The following TNFSF4 variants were observed in gnomAD, a reference collection of about 807,000 sequenced individuals.
The protein encoded by TNFSF4 is TNF superfamily member 4, also known as tumor necrosis factor ligand superfamily member 4.
Under a neutral mutation model 7.3 loss-of-function variants are expected in TNFSF4, and 4 were observed. That is an observed-to-expected ratio of 0.55 (90% CI 0.27 to 1.25). The LOEUF is 1.25. Ranked by LOEUF, TNFSF4 falls within the 50% of genes most tolerant of loss-of-function variation. TNFSF4 has a pLI of 0.12. For missense variants in TNFSF4, 181 were observed against 208.8 expected, an observed-to-expected ratio of 0.87 and a Z score of 0.82; for synonymous variants, 76 against 83.7, an observed-to-expected ratio of 0.91 and a Z score of 0.50.
the TNFSF4 span, among the ~76,000 whole-genome samples, chr1:173,242,634 A>G: frequency 5.9e-5 from 9 of 152,164 alleles, no homozygotes; most frequent in Admixed American, 5.2e-4. Context: ...ACCCAATCAA[A>G]TCACGTGAGT....
At chr1:173,200,442 T>C (rs931435085) in intron 1 of TNFSF4, among the ~76,000 whole-genome samples, 4 of 152,200 alleles carry the variant, frequency 2.6e-5, no homozygotes, top group Admixed American at 2.6e-4. Flanking sequence ...ACCCGTCCAT[T>C]CTAAAAAACG....
the TNFSF4 span, among the ~76,000 whole-genome samples, chr1:173,298,936 G>T: frequency 6.6e-6 from 1 of 151,902 alleles, no homozygotes; most frequent in Non-Finnish European, 1.5e-5. Context: ...CAGAAATTTA[G>T]TAGCTATATA....
At chr1:173,311,543 C>T in the TNFSF4 span, among the ~76,000 whole-genome samples, 1 of 152,014 alleles carries the variant, frequency 6.6e-6, no homozygotes, top group African/African-American at 2.4e-5. Flanking sequence ...GACCACAGCC[C>T]ACTAGACAGT....
the TNFSF4 span, among the ~76,000 whole-genome samples, chr1:173,369,170 C>T: frequency 1.3e-5 from 2 of 152,162 alleles, no homozygotes; most frequent in African/African-American, 4.8e-5. Context: ...GGACAAAAGG[C>T]ATCACTCTTC....
chr1:173,226,136 T>A, the TNFSF4 span, among the ~76,000 whole-genome samples: 9 of 152,210 alleles, frequency 5.9e-5, no homozygotes, highest in Non-Finnish European at 1.2e-4. Context: ...CTTCATGTTT[T>A]TTCAGACTAT....
At chr1:173,217,735 A>C in the TNFSF4 span, among the ~76,000 whole-genome samples, 1 of 152,112 alleles carries the variant, frequency 6.6e-6, no homozygotes, top group Admixed American at 6.5e-5. Flanking sequence ...TGTTTCTTTC[A>C]ATTTTTTTGA....
the TNFSF4 span, among the ~76,000 whole-genome samples, chr1:173,243,562 A>G: frequency 6.6e-6 from 1 of 152,242 alleles, no homozygotes; most frequent in Non-Finnish European, 1.5e-5. Flanking sequence ...TTTGGCAAGA[A>G]TAAAAATAGG....
At chr1:173,296,814 T>A in the TNFSF4 span, among the ~76,000 whole-genome samples, 1 of 151,932 alleles carries the variant, frequency 6.6e-6, no homozygotes, top group Admixed American at 6.6e-5. Flanking sequence ...CCTGACATGT[T>A]CTGGCAAGGA....
intron 1 of TNFSF4, chr1:173,205,358 A>G (rs1177078863): frequency 1.2e-6 from 2 of 1,611,894 alleles, no homozygotes; most frequent in African/African-American, 1.3e-5. Context: ...TTCTTCCCAC[A>G]GCTTTCCTTC....
At chr1:173,229,084 G>A in the TNFSF4 span, among the ~76,000 whole-genome samples, 21 of 152,194 alleles carry the variant, frequency 1.4e-4, no homozygotes, top group African/African-American at 3.6e-4. Context: ...AGAGAACACC[G>A]CAAAGATACT....
chr1:173,223,333 G>C, the TNFSF4 span, among the ~76,000 whole-genome samples: 2 of 151,988 alleles, frequency 1.3e-5, no homozygotes, highest in Non-Finnish European at 2.9e-5. Flanking sequence ...TTTCTTTCTG[G>C]TAGCAATGAA....
At chr1:173,253,994 T>G in the TNFSF4 span, among the ~76,000 whole-genome samples, 1 of 152,200 alleles carries the variant, frequency 6.6e-6, no homozygotes, top group African/African-American at 2.4e-5. Context: ...TTTAGGGTTA[T>G]GGTTGGATGA....
chr1:173,370,326 C>G, the TNFSF4 span, among the ~76,000 whole-genome samples: 3 of 152,146 alleles, frequency 2.0e-5, no homozygotes, highest in African/African-American at 7.2e-5. Flanking sequence ...GTAAATGATA[C>G]AATGACAGCC....
the TNFSF4 span, among the ~76,000 whole-genome samples, chr1:173,280,312 T>C: frequency 6.6e-6 from 1 of 152,150 alleles, no homozygotes; most frequent in Admixed American, 6.6e-5. Context: ...GTGGTTGATC[T>C]GTCTTTCTGG....
At chr1:173,324,250 A>G in the TNFSF4 span, among the ~76,000 whole-genome samples, 1 of 152,214 alleles carries the variant, frequency 6.6e-6, no homozygotes, top group Non-Finnish European at 1.5e-5. Context: ...AGAATTTCAT[A>G]TCCAGCCGAA....
At chr1:173,236,139 G>A in the TNFSF4 span, among the ~76,000 whole-genome samples, 1 of 152,058 alleles carries the variant, frequency 6.6e-6, no homozygotes, top group Admixed American at 6.6e-5. Context: ...TCAATAATCT[G>A]ACTAACCATC....
chr1:173,373,645 A>G, the TNFSF4 span, among the ~76,000 whole-genome samples: 1 of 152,182 alleles, frequency 6.6e-6, no homozygotes, highest in South Asian at 2.1e-4. Context: ...GAGGTGTGCC[A>G]AAGGAATAAT....
At chr1:173,337,745 A>G in the TNFSF4 span, among the ~76,000 whole-genome samples, 1 of 152,176 alleles carries the variant, frequency 6.6e-6, no homozygotes, top group Non-Finnish European at 1.5e-5. Context: ...TTATATATGG[A>G]TTCATGGGTT....
At chr1:173,228,099 G>A in the TNFSF4 span, among the ~76,000 whole-genome samples, 2 of 152,214 alleles carry the variant, frequency 1.3e-5, no homozygotes, top group East Asian at 3.9e-4. Context: ...CCAGCATGGA[G>A]TTTGAGATCT....
Sources: allele counts gnomAD v4.1 joint callset (sites outside exome capture counted in the v4.1 genomes callset), GRCh38; gene constraint gnomAD v4.1.1; transcripts MANE v1.5; gene names NCBI Gene and HGNC (gene_info 2026-07-23, HGNC 2026-07-21).